ATOSA: variants seen among roughly 807,000 people sequenced by gnomAD.
ATOSA encodes atos homolog protein A.
chr15:52,635,269 T>C, the ATOSA span, among the ~76,000 whole-genome samples: 6 of 152,158 alleles, frequency 3.9e-5, no homozygotes, highest in Non-Finnish European at 5.9e-5. Flanking sequence ...ACTAAAAATA[T>C]AGAAAACTTG....
At chr15:52,653,849 T>C in the ATOSA span, among the ~76,000 whole-genome samples, 1 of 152,310 alleles carries the variant, frequency 6.6e-6, no homozygotes, top group South Asian at 2.1e-4. Flanking sequence ...CCTAGCACCA[T>C]GCCCCATTTA....
chr15:52,636,135 TA>T, the ATOSA span, among the ~76,000 whole-genome samples: 2 of 146,534 alleles, frequency 1.4e-5, no homozygotes, highest in Non-Finnish European at 3.0e-5. Context: ...AAATATATAT[TA>T]AAATAATAAA....
the ATOSA span, among the ~76,000 whole-genome samples, chr15:52,646,856 C>G: frequency 6.6e-6 from 1 of 152,052 alleles, no homozygotes; most frequent in Admixed American, 6.5e-5. Context: ...TTCCCCCTAG[C>G]AAGGGGGTTG....
At chr15:52,584,136 C>T in the ATOSA span, among the ~76,000 whole-genome samples, 5 of 144,062 alleles carry the variant, frequency 3.5e-5, no homozygotes, top group Admixed American at 2.1e-4. Flanking sequence ...ATTTATATGG[C>T]TCATATTACT....
chr15:52,675,470 T>C, the ATOSA span, among the ~76,000 whole-genome samples: 1 of 152,240 alleles, frequency 6.6e-6, no homozygotes, highest in Non-Finnish European at 1.5e-5. Context: ...AAGAGGCTAT[T>C]GTATTTATTT....
At chr15:52,708,081 A>G in the ATOSA span, among the ~76,000 whole-genome samples, 6 of 152,196 alleles carry the variant, frequency 3.9e-5, no homozygotes, top group Middle Eastern at 3.2e-3. Context: ...GGAAAACTGC[A>G]CTGAATATTA....
At chr15:52,667,693 T>C in the ATOSA span, among the ~76,000 whole-genome samples, 8 of 152,180 alleles carry the variant, frequency 5.3e-5, no homozygotes. Flanking sequence ...CACAATCGGC[T>C]TTTGCAAGCC....
At chr15:52,585,214 C>G in the ATOSA span, 1 of 272,572 alleles carries the variant, frequency 3.7e-6, no homozygotes, top group Admixed American at 4.9e-5. Flanking sequence ...AAATTTTACT[C>G]CTTGTTCAGA....
chr15:52,690,697 A>G, the ATOSA span, among the ~76,000 whole-genome samples: 1 of 152,242 alleles, frequency 6.6e-6, no homozygotes, highest in African/African-American at 2.4e-5. Flanking sequence ...TGACATTTAT[A>G]TGCTAGCATT....
chr15:52,649,134 A>G, the ATOSA span, among the ~76,000 whole-genome samples: 7 of 152,308 alleles, frequency 4.6e-5, no homozygotes, highest in Admixed American at 4.6e-4. Flanking sequence ...AAAGCAATAC[A>G]GTTTATGCAA....
At chr15:52,587,712 C>T in the ATOSA span, 1 of 152,358 alleles carries the variant, frequency 6.6e-6, no homozygotes, top group African/African-American at 2.4e-5. Context: ...AATAGAAAAG[C>T]AATTTGGAAG....
chr15:52,657,609 G>C, the ATOSA span: 4 of 152,090 alleles, frequency 2.6e-5, no homozygotes, highest in Admixed American at 6.6e-5. Context: ...TGTGTGTTTA[G>C]TAAGTGCCTG....
At chr15:52,611,640 A>G in the ATOSA span, 112 of 1,613,902 alleles carry the variant, frequency 6.9e-5, no homozygotes, top group Non-Finnish European at 7.8e-5. Flanking sequence ...TCGCAGGATC[A>G]TTTAGATCAA....
At chr15:52,614,661 A>G in the ATOSA span, among the ~76,000 whole-genome samples, 2 of 151,784 alleles carry the variant, frequency 1.3e-5, no homozygotes, top group Non-Finnish European at 2.9e-5. Context: ...AAGCCTTACC[A>G]ACATGGTGAA....
the ATOSA span, among the ~76,000 whole-genome samples, chr15:52,686,051 A>G: frequency 6.6e-6 from 1 of 152,168 alleles, no homozygotes; most frequent in Non-Finnish European, 1.5e-5. Context: ...TTTCATATAA[A>G]TTAATTTTCT....
the ATOSA span, among the ~76,000 whole-genome samples, chr15:52,662,553 A>G: frequency 5.9e-4 from 89 of 152,124 alleles, no homozygotes; most frequent in Middle Eastern, 6.8e-3. Flanking sequence ...GGCGGATCAC[A>G]AGGTCAGGAG....
the ATOSA span, among the ~76,000 whole-genome samples, chr15:52,637,650 A>C: frequency 2.0e-5 from 3 of 152,300 alleles, no homozygotes; most frequent in South Asian, 6.2e-4. Context: ...AATTCTATAA[A>C]ATGTAAATAT....
chr15:52,599,351 C>T, the ATOSA span, among the ~76,000 whole-genome samples: 1 of 152,072 alleles, frequency 6.6e-6, no homozygotes, highest in South Asian at 2.1e-4. Context: ...TTGGAATTGA[C>T]ATGGAAAAGA....
the ATOSA span, chr15:52,658,588 A>G: frequency 5.1e-6 from 2 of 395,662 alleles, no homozygotes; most frequent in Admixed American, 4.4e-5. Flanking sequence ...TTCATTCTTC[A>G]TTCACAAAAA....
Sources: gnomAD v4.1 joint callset for allele counts (sites outside exome capture counted in the v4.1 genomes callset) on GRCh38, gnomAD v4.1.1 for gene constraint, MANE v1.5 for transcripts, NCBI Gene and HGNC (gene_info 2026-07-23, HGNC 2026-07-21) for gene names.